UBA1: variants seen among roughly 807,000 people sequenced by gnomAD.
The protein encoded by UBA1 is ubiquitin-like modifier-activating enzyme 1.
UBA1 carries 4 observed loss-of-function variants against 84.7 expected under a neutral mutation model. The ratio of observed to expected loss-of-function variants is 0.05; its 90% confidence interval spans 0.02 to 0.11. The LOEUF is 0.11. Among genes scored for constraint, UBA1 ranks in the 10% least tolerant of loss-of-function variants. UBA1 has a pLI of 1.00. For synonymous variants in UBA1, 364 were observed against 362.6 expected (o/e 1.00, Z -0.04); for missense variants, 513 against 902.8 (o/e 0.57, Z 5.53).
chrX:47,205,489 C>G (rs373271806), intron 14 of UBA1: 2 of 345,485 alleles, frequency 5.8e-6, no homozygotes, highest in Admixed American at 3.1e-5. Flanking sequence ...TGTCACAGAC[C>G]GTCTCTCCTG....
At chrX:47,204,155 T>G (rs1348720439) in intron 14 of UBA1, among the ~76,000 whole-genome samples, 3 of 96,029 alleles carry the variant, frequency 3.1e-5, no homozygotes, top group Non-Finnish European at 4.2e-5. Flanking sequence ...TTTTTTTTTT[T>G]TTTTTTTTTT....
chrX:47,205,156 C>G (rs782151897), intron 14 of UBA1: 1 of 203,711 alleles, frequency 4.9e-6, no homozygotes, highest in East Asian at 1.3e-4. Flanking sequence ...TGTGGAAGAG[C>G]CTGCGCAAAG....
At chrX:47,200,076 C>T (rs1936349396) in intron 5 of UBA1, among the ~76,000 whole-genome samples, 1 of 111,137 alleles carries the variant, frequency 9.0e-6, no homozygotes, top group Non-Finnish European at 1.9e-5. Flanking sequence ...TGAGCCACCG[C>T]ACCCGGCCTG....
chrX:47,204,142 T>G (rs1157500672), intron 14 of UBA1, among the ~76,000 whole-genome samples: 1 of 84,185 alleles, frequency 1.2e-5, no homozygotes, highest in Non-Finnish European at 2.2e-5. Context: ...AGCTTCTGTT[T>G]TTTTTTTTTT....
chrX:47,199,619 C>G lies in UBA1; in HGVS notation c.480+5C>G. On this transcript the variant is annotated splice_donor_5th_base_variant and intron_variant, in intron 5 of 25. Coordinates refer to ENST00000335972, the MANE Select transcript of UBA1 (RefSeq NM_003334.4). ...GACTTCCTTAGTGGTTTCCAGGTAT[C>G]TTGGGGGTACTACCCAGCCTTCTGC... The G allele has an allele frequency of 8.3e-7, 1 of 1,210,955 alleles. No individual in the cohort carries two copies. The highest frequency in any genetic ancestry group is 1.1e-6 in the Non-Finnish European group (1 of 894,993).
chrX:47,203,362 T>C, intron 13 of UBA1, 148 bp downstream of exon 13: 1 of 832,853 alleles, frequency 1.2e-6, no homozygotes, highest in Non-Finnish European at 1.8e-6. Context: ...ATCCCTCGTT[T>C]CCCCTTCTGG....
At chrX:47,200,322 TAAG>T (rs1288298877) in intron 5 of UBA1, among the ~76,000 whole-genome samples, 3 of 112,231 alleles carry the variant, frequency 2.7e-5, no homozygotes, top group Non-Finnish European at 5.6e-5. Flanking sequence ...AGCTGGCATA[TAAG>T]GACTGGATGG....
chrX:47,194,370 A>C, intron 1 of UBA1, among the ~76,000 whole-genome samples: 1 of 112,198 alleles, frequency 8.9e-6, no homozygotes. Context: ...GTGGATCAGC[A>C]TTGCTGATCA....
rs1556788747 is a variant in UBA1, at chrX:47,202,656, G to T, written c.1075G>T (p.Val359Leu). The change falls in exon 11 of 26, where the codon GTA becomes TTA. Residue 359 changes from valine to leucine, a missense_variant. Coordinates refer to ENST00000335972, the MANE Select transcript of UBA1 (RefSeq NM_003334.4). ...PRNEEDAAEL[V>L]ALAQAVNARA... ...CCACCAGGAGGATGCAGCAGAACTG[G>T]TAGCCTTAGCACAGGCTGTGAATGC... The T allele has an allele frequency of 8.2e-7, 1 of 1,212,302 alleles. No individual in the cohort carries two copies. The highest frequency in any genetic ancestry group is 1.1e-6 in the Non-Finnish European group (1 of 895,587).
At chrX:47,207,475 C>A (rs1179699261) in intron 16 of UBA1, among the ~76,000 whole-genome samples, 1 of 112,106 alleles carries the variant, frequency 8.9e-6, no homozygotes, top group East Asian at 2.8e-4. Flanking sequence ...CAAAGTCATC[C>A]TGGGCTGCAT....
At chrX:47,204,164 T>A (rs1448960483) in intron 14 of UBA1, among the ~76,000 whole-genome samples, 1 of 98,837 alleles carries the variant, frequency 1.0e-5, no homozygotes, top group Non-Finnish European at 2.0e-5. Flanking sequence ...TTTTTTTTTT[T>A]TTTGCCTTAA....
chrX:47,197,398 G>A lies in UBA1; in HGVS notation c.1-1405G>A, dbSNP rs782680705. On this transcript the variant is annotated intron_variant, in intron 1 of 25. Transcript: ENST00000335972. ...ACAGTATGCTCTTGGTAGATAGTAG[G>A]GAGCTCTTGTCATTGTGGTTGGTGC... The A allele has an allele frequency of 5.3e-6, 4 of 753,728 alleles. No homozygotes were observed. In the Admixed American group the frequency reaches 2.6e-4, roughly 49 times the overall value. 62.1% of individuals were successfully genotyped at this position (753,728 alleles called of 1,213,427 possible). A position where few individuals can be genotyped will look rare whatever the true frequency, so the allele number is the denominator to read the frequency against.
chrX:47,202,434 T>G lies in UBA1; in HGVS notation c.986T>G (p.Leu329Arg). ...GCCAAGTTTTCTCGCCCTGCCCAGC[T>G]GCACATTGGCTTCCAGGCCCTGCAC... Reference protein sequence around the residue: ...DFAKFSRPAQLHIGFQALHQF... With the variant: ...DFAKFSRPAQRHIGFQALHQF... Residue 329 changes from leucine (L) to arginine (R), a missense_variant, in exon 10 of 26, where the codon CTG becomes CGG. By Grantham distance (102) the Leu-to-Arg change is moderately radical (BLOSUM62 -2). This residue lies in a region of UBA1 where 227 missense variants were observed against 339.1 expected (regional missense o/e 0.67). Coordinates refer to ENST00000335972, the MANE Select transcript of UBA1 (RefSeq NM_003334.4). The G allele has an allele frequency of 2.5e-6, 3 of 1,209,532 alleles. No homozygotes were observed. Among genetic ancestry groups the G allele is most frequent in the Non-Finnish European group, 3.4e-6 (3 of 894,235 alleles).
intron 1 of UBA1, among the ~76,000 whole-genome samples, 163 bp downstream of exon 1, chrX:47,194,187 C>T (rs1247368283): frequency 9.0e-6 from 1 of 111,623 alleles, no homozygotes; most frequent in East Asian, 2.8e-4. Context: ...GGCCGACTTT[C>T]CCCGGCCAGG....
rs910414578 is a variant in UBA1, at chrX:47,197,453, G to T, written c.1-1350G>T. ...GACAAGTGCCAAGATGGAATCTTAG[G>T]TACATTGGGATACTTAGTGTCATAA... On this transcript the variant is annotated intron_variant, in intron 1 of 25. Coordinates refer to ENST00000335972, the MANE Select transcript of UBA1 (RefSeq NM_003334.4). 6.6e-6 allele frequency: 5 copies of T among 754,600 alleles called. No homozygotes were observed. In the African/African-American group the frequency reaches 9.1e-5, roughly 14 times the overall value. The allele number at this position is 754,600 out of a possible 1,213,427, so 62.2% of individuals were successfully genotyped here. A position where few individuals can be genotyped will look rare whatever the true frequency, so the allele number is the denominator to read the frequency against.
chrX:47,198,081 T>G, intron 1 of UBA1: 7 of 903,488 alleles, frequency 7.7e-6, no homozygotes, highest in Non-Finnish European at 9.7e-6. Flanking sequence ...CCTCTTTTAT[T>G]GGTCTGTGTC....
chrX:47,199,764 CT>C (rs1194586028), intron 5 of UBA1, 150 bp downstream of exon 5: 2 of 653,899 alleles, frequency 3.1e-6, no homozygotes, highest in African/African-American at 2.2e-5. Context: ...CAGTTAGCCC[CT>C]GGCCCTGCCT....
upstream of UBA1, among the ~76,000 whole-genome samples, chrX:47,192,291 C>A (rs2147235316): frequency 9.0e-6 from 1 of 110,783 alleles, no homozygotes; most frequent in Admixed American, 9.6e-5. Flanking sequence ...GATAGTACTA[C>A]TACTACTAAT....
upstream of UBA1, chrX:47,190,870 C>G (rs999335748): frequency 8.9e-6 from 1 of 112,979 alleles, no homozygotes; most frequent in African/African-American, 3.2e-5. Context: ...TCTTGTACGA[C>G]AGAGGTGGTT....
Sources: gnomAD v4.1 joint callset for allele counts (sites outside exome capture counted in the v4.1 genomes callset) on GRCh38, gnomAD v4.1.1 for gene constraint, gnomAD v4.1.1 regional missense constraint, MANE v1.5 for transcripts, NCBI Gene and HGNC (gene_info 2026-07-23, HGNC 2026-07-21) for gene names.